SPTBN1: variants seen among roughly 807,000 people sequenced by gnomAD.
SPTBN1 encodes spectrin beta, non-erythrocytic 1, also known as spectrin beta chain, non-erythrocytic 1.
Under a neutral mutation model 266.4 loss-of-function variants are expected in SPTBN1, and 32 were observed. That is an observed-to-expected ratio of 0.12 (90% CI 0.09 to 0.16). The LOEUF (loss-of-function observed/expected upper bound fraction) is 0.16. SPTBN1 is among the 10% of genes least tolerant of loss of function. The pLI is 1.00. For missense variants in SPTBN1, 2,296 were observed against 3,067.1 expected (o/e 0.75, Z 5.94); for synonymous variants, 1,336 against 1,162.2 (o/e 1.15, Z -3.04).
Position 54,649,545 on chromosome 2 carries a change from G to T in SPTBN1, c.5203-70G>T. ...CTTAGAGGCAGTTTCTTTCCAAAGG[G>T]TATTCATGTGATCAAGAAATACAGA... is the stretch of plus-strand genomic sequence containing the variant. On this transcript the variant is annotated intron_variant, in intron 25 of 35. Transcript: ENST00000356805. The surrounding 1 kb of genome is among the most constrained non-coding windows in gnomAD (Gnocchi z 6.7). 3 of 1,557,510 alleles carry T rather than the reference G, an allele frequency of 1.9e-6. No individual in the cohort carries two copies. Among genetic ancestry groups the T allele is most frequent in the South Asian group, 1.2e-5 (1 of 81,592 alleles).
chr2:54,590,199 A>G (rs1214411787), intron 2 of SPTBN1, among the ~76,000 whole-genome samples: 1 of 152,208 alleles, frequency 6.6e-6, no homozygotes, highest in Non-Finnish European at 1.5e-5. Context: ...GCACCACAAA[A>G]TTGCATTTTT....
At chr2:54,657,748 G>A (rs888066817) in intron 29 of SPTBN1, 102 bp from the exon 30 acceptor site, 1 of 1,369,832 alleles carries the variant, frequency 7.3e-7, no homozygotes, top group Non-Finnish European at 1.0e-6. Context: ...GACTGGTTAT[G>A]CAGGTAGCCA....
At chr2:54,615,254 T>G (rs1157475883) in intron 4 of SPTBN1, among the ~76,000 whole-genome samples, 1 of 152,196 alleles carries the variant, frequency 6.6e-6, no homozygotes, top group Non-Finnish European at 1.5e-5. Context: ...CAAAAAGAAT[T>G]CTGGGAAGTG....
chr2:54,613,161 C>CA (rs1677346111), intron 4 of SPTBN1, among the ~76,000 whole-genome samples: 1 of 152,160 alleles, frequency 6.6e-6, no homozygotes, highest in African/African-American at 2.4e-5. Flanking sequence ...GCTTCGTACT[C>CA]ATGCGTTCCA....
In SPTBN1 at chr2:54,581,577, CTTTTTTTTTTT is replaced by C. The variant is rs70944181; in HGVS notation, c.149-17502_149-17492del. ...GCCTTCATGCTTTGGTTTCTTTGCC[CTTTTTTTTTTT>C]TTTTTTTTTTTTGAAACTTTTATTT... On this transcript the variant is annotated intron_variant, in intron 2 of 35. Coordinates refer to ENST00000356805, the MANE Select transcript of SPTBN1 (RefSeq NM_003128.3). Among the ~76,000 whole-genome samples the C allele has an allele frequency of 1.1e-4, 11 of 102,680 alleles. 1 individual carries two copies. Among genetic ancestry groups the C allele is most frequent in the African/African-American group, 3.3e-4 (8 of 24,400 alleles). The allele number at this position is 102,680 out of a possible 152,430, so 67.4% of individuals were successfully genotyped here. A position where few individuals can be genotyped will look rare whatever the true frequency, so the allele number is the denominator to read the frequency against.
At chr2:54,591,895 G>C (rs1347941595) in intron 2 of SPTBN1, among the ~76,000 whole-genome samples, 2 of 152,150 alleles carry the variant, frequency 1.3e-5, no homozygotes, top group Non-Finnish European at 2.9e-5. Flanking sequence ...TATGGGGCTG[G>C]GTGCAGTGGC....
chr2:54,523,025 A>G (rs1670581106), intron 1 of SPTBN1, among the ~76,000 whole-genome samples: 1 of 152,200 alleles, frequency 6.6e-6, no homozygotes, highest in Non-Finnish European at 1.5e-5. Context: ...TTTTCTCCCT[A>G]GAGATAGAAT....
intron 17 of SPTBN1, among the ~76,000 whole-genome samples, chr2:54,633,991 A>G (rs1432188994): frequency 6.6e-6 from 1 of 152,224 alleles, no homozygotes. Flanking sequence ...AAAAAAGAAA[A>G]ATAAATCCAC....
At chr2:54,648,963 C>A in intron 24 of SPTBN1, 23 bp from the exon 25 acceptor site, 1 of 1,556,580 alleles carries the variant, frequency 6.4e-7, no homozygotes, top group South Asian at 1.2e-5. Context: ...CTTTTTCTCC[C>A]CATTGCTCCT....
At chr2:54,572,090 G>T (rs1674123917) in intron 2 of SPTBN1, among the ~76,000 whole-genome samples, 1 of 152,090 alleles carries the variant, frequency 6.6e-6, no homozygotes, top group Non-Finnish European at 1.5e-5. Context: ...GGACTCTGCT[G>T]GGTGCTGGGG....
At position 54,653,315 on chromosome 2, in the gene SPTBN1, C is replaced by T. The variant is rs1680425658; in HGVS notation, c.5578-294C>T. ...ATCTGAATATGTCCCACTCAGATAT[C>T]CCAGGCTGCCTCCAGGGGACTTTCC... On this transcript the variant is annotated intron_variant, in intron 26 of 35. Coordinates refer to ENST00000356805, the MANE Select transcript of SPTBN1 (RefSeq NM_003128.3). The surrounding 1 kb of genome is among the most constrained non-coding windows in gnomAD (Gnocchi z 5.1). 5.9e-6 allele frequency: 2 copies of T among 336,768 alleles called. No homozygotes were observed. The highest frequency in any genetic ancestry group is 4.7e-5 in the Admixed American group (1 of 21,060). 20.9% of individuals were successfully genotyped at this position (336,768 alleles called of 1,614,324 possible).
intron 30 of SPTBN1, 121 bp downstream of exon 30, chr2:54,658,167 A>G (rs1680804756): frequency 7.9e-7 from 1 of 1,261,178 alleles, no homozygotes; most frequent in Non-Finnish European, 1.1e-6. Flanking sequence ...TTTTTCAAGT[A>G]GTGAAGATCA....
chr2:54,619,586 TCC>T (rs1228955774), intron 7 of SPTBN1, among the ~76,000 whole-genome samples: 1 of 152,244 alleles, frequency 6.6e-6, no homozygotes, highest in East Asian at 1.9e-4. Context: ...TTATTAGTTG[TCC>T]AGGGCTCCAA....
intron 2 of SPTBN1, among the ~76,000 whole-genome samples, chr2:54,583,396 T>C (rs1391152043): frequency 6.6e-6 from 1 of 152,192 alleles, no homozygotes; most frequent in African/African-American, 2.4e-5. Flanking sequence ...TTCCTGTAGA[T>C]GAAACCTGAG....
At chr2:54,570,809 T>C (rs1211974922) in intron 2 of SPTBN1, among the ~76,000 whole-genome samples, 1 of 152,224 alleles carries the variant, frequency 6.6e-6, no homozygotes, top group African/African-American at 2.4e-5. Context: ...TTATCTTTAT[T>C]CTTTGAAGGC....
chr2:54,572,575 C>A (rs958848625), intron 2 of SPTBN1, among the ~76,000 whole-genome samples: 2 of 152,212 alleles, frequency 1.3e-5, no homozygotes, highest in South Asian at 2.1e-4. Context: ...GAAGACATAT[C>A]TGAAAGAAAA....
Position 54,558,502 on chromosome 2 carries a change from C to T in SPTBN1, c.148+31936C>T, listed in dbSNP as rs1673036474. 4.2e-6 allele frequency: 5 copies of T among 1,192,380 alleles called. No individual in the cohort carries two copies. The highest frequency in any genetic ancestry group is 3.2e-5 in the African/African-American group (2 of 63,034). 73.9% of individuals were successfully genotyped at this position (1,192,380 alleles called of 1,614,324 possible). On this transcript the variant is annotated intron_variant, in intron 2 of 35. Transcript: ENST00000356805. The surrounding 1 kb of genome is among the most constrained non-coding windows in gnomAD (Gnocchi z 4.6). ...GAACCTGCGCCTCCTCTCTGCTTCTCCCTCCTCCTCAGTAATTTATTTCGA... is the reference window on the plus strand; with the variant it reads ...GAACCTGCGCCTCCTCTCTGCTTCTTCCTCCTCCTCAGTAATTTATTTCGA...
chr2:54,472,089 G>A (rs1293295727), intron 1 of SPTBN1, among the ~76,000 whole-genome samples: 6 of 137,004 alleles, frequency 4.4e-5, no homozygotes, highest in Admixed American at 1.6e-4. Flanking sequence ...GTGCAGTGGC[G>A]CGATCTTGGC....
chr2:54,504,164 T>G (rs1669430092), intron 1 of SPTBN1, among the ~76,000 whole-genome samples: 1 of 152,234 alleles, frequency 6.6e-6, no homozygotes, highest in Non-Finnish European at 1.5e-5. Context: ...GAAAACTACT[T>G]TCTGAGGTGC....
Sources: allele counts gnomAD v4.1 joint callset (sites outside exome capture counted in the v4.1 genomes callset), GRCh38; gene constraint gnomAD v4.1.1; non-coding constraint Gnocchi (gnomAD v3.1); transcripts MANE v1.5; gene names NCBI Gene and HGNC (gene_info 2026-07-23, HGNC 2026-07-21).